The following VEPH1 variants were observed in gnomAD, a reference collection of about 807,000 sequenced individuals.
VEPH1 encodes the protein ventricular zone-expressed PH domain-containing protein homolog 1.
In VEPH1, 80 loss-of-function variants were observed where a neutral mutation model predicts 85.2. That is an observed-to-expected ratio of 0.94 (90% CI 0.78 to 1.13). VEPH1 has a LOEUF of 1.13. VEPH1 is among the 50% of genes most tolerant of loss of function. The probability of loss-of-function intolerance (pLI) is 0.00; values close to 1 mark genes in which losing one functional copy is unlikely to be tolerated. For synonymous variants in VEPH1, 297 were observed against 348.0 expected, an observed-to-expected ratio of 0.85 and a Z score of 1.63; for missense variants, 955 against 980.5, an observed-to-expected ratio of 0.97 and a Z score of 0.35.
In VEPH1 at chr3:157,286,572, G is replaced by A. The variant is rs1273160676; in HGVS notation, c.2113C>T (p.Pro705Ser). The A allele has an allele frequency of 6.2e-7, 1 of 1,613,984 alleles. No homozygotes were observed. The highest frequency in any genetic ancestry group is 1.1e-5 in the South Asian group (1 of 91,066). Residue 705 changes from proline to serine, a missense_variant, in exon 12 of 14, where the codon CCT becomes TCT. Coordinates refer to ENST00000362010, the MANE Select transcript of VEPH1 (RefSeq NM_001167912.2). ...GGTCTCTCACCAGTTGCTTTCTCAG[G>A]ATTGTTGCACATGAAGCATTGCCAT... ...GAWQCFMCNN[P>S]EKATVVNQDG...
intron 9 of VEPH1, among the ~76,000 whole-genome samples, chr3:157,323,676 T>C (rs1299983659): frequency 6.6e-6 from 1 of 152,106 alleles, no homozygotes; most frequent in East Asian, 1.9e-4. Flanking sequence ...TTTTGACTTA[T>C]CCAGAGAATA....
chr3:157,420,798 G>A (rs148044755), intron 5 of VEPH1, among the ~76,000 whole-genome samples: 107 of 152,282 alleles, frequency 7.0e-4, no homozygotes, highest in African/African-American at 2.5e-3. Context: ...ATTCATCACC[G>A]GAAGGCTTCC....
intron 4 of VEPH1, among the ~76,000 whole-genome samples, chr3:157,435,141 A>G (rs1479961690): frequency 6.6e-6 from 1 of 151,760 alleles, no homozygotes; most frequent in Non-Finnish European, 1.5e-5. Flanking sequence ...CTTTTTGACA[A>G]TGTCTTATTC....
chr3:157,390,934 C>A (rs1044908851), intron 6 of VEPH1, among the ~76,000 whole-genome samples: 3 of 152,232 alleles, frequency 2.0e-5, no homozygotes, highest in Non-Finnish European at 4.4e-5. Context: ...CACCACATTC[C>A]TCTTGTCCAG....
intron 9 of VEPH1, among the ~76,000 whole-genome samples, chr3:157,324,101 C>A (rs1721634386): frequency 6.6e-6 from 1 of 152,194 alleles, no homozygotes; most frequent in South Asian, 2.1e-4. Context: ...GTTGCCCAGG[C>A]TGGAGTACAG....
chr3:157,437,413 C>T (rs1295153851), intron 4 of VEPH1: 2 of 1,403,200 alleles, frequency 1.4e-6, no homozygotes, highest in Non-Finnish European at 1.9e-6. Context: ...ATGCCAGGAA[C>T]GGGCTGCAAC....
intron 6 of VEPH1, chr3:157,413,327 C>T (rs753362190): frequency 2.0e-5 from 7 of 350,494 alleles, no homozygotes; most frequent in East Asian, 1.7e-4. Context: ...CATCCACAAA[C>T]GTTTATTTCA....
At chr3:157,391,930 GC>G (rs1429773122) in intron 6 of VEPH1, among the ~76,000 whole-genome samples, 6 of 84,566 alleles carry the variant, frequency 7.1e-5, no homozygotes, top group African/African-American at 3.1e-4. Context: ...GCCTATTTTA[GC>G]ACTCTTAAAG....
rs1383662550 is a variant in VEPH1 at position 157,261,174 on chromosome 3, G to C, written c.2462C>G (p.Ala821Gly). The C allele has an allele frequency of 1.2e-6, 2 of 1,613,664 alleles. No homozygotes were observed. The highest frequency in any genetic ancestry group is 1.7e-5 in the Admixed American group (1 of 59,980). ...TACTTCTCTACTTTCCCTTTCTTTG[G>C]CTTGGGCAACTGCCACGTTGATGCA... ...LQCINVAVAQ[A>G]KERESREVTT... Residue 821 changes from alanine (A) to glycine (G), a missense_variant, in exon 14 of 14, where the codon GCC (alanine) becomes GGC (glycine). Ala to Gly is a moderately conservative substitution (Grantham distance 60). Coordinates refer to ENST00000362010, the MANE Select transcript of VEPH1 (RefSeq NM_001167912.2).
At chr3:157,278,755 G>A (rs1033741402) in intron 12 of VEPH1, among the ~76,000 whole-genome samples, 1 of 152,216 alleles carries the variant, frequency 6.6e-6, no homozygotes, top group Non-Finnish European at 1.5e-5. Flanking sequence ...AGATTGGATG[G>A]GGGTGGTGGA....
At chr3:157,346,495 T>C (rs986918702) in intron 9 of VEPH1, among the ~76,000 whole-genome samples, 2 of 152,256 alleles carry the variant, frequency 1.3e-5, no homozygotes, top group Non-Finnish European at 2.9e-5. Context: ...CACTAAGGAA[T>C]TTTAATTTAT....
intron 10 of VEPH1, among the ~76,000 whole-genome samples, chr3:157,314,383 CATATG>C (rs1720515551): frequency 1.5e-5 from 1 of 64,968 alleles, no homozygotes; most frequent in Non-Finnish European, 4.2e-5. Flanking sequence ...AAAGATCAAA[CATATG>C]ATATATTTCA....
chr3:157,376,520 C>G (rs1379157793), intron 7 of VEPH1, among the ~76,000 whole-genome samples: 1 of 152,178 alleles, frequency 6.6e-6, no homozygotes, highest in Non-Finnish European at 1.5e-5. Context: ...GCATAATAGC[C>G]CTTGTACCCT....
intron 4 of VEPH1, among the ~76,000 whole-genome samples, chr3:157,453,910 G>A (rs1023614459): frequency 6.6e-6 from 1 of 152,156 alleles, no homozygotes; most frequent in Non-Finnish European, 1.5e-5. Flanking sequence ...CATAGTGCCA[G>A]ATCAAATAAA....
chr3:157,318,302 T>G (rs1377070690), intron 9 of VEPH1, among the ~76,000 whole-genome samples: 1 of 152,152 alleles, frequency 6.6e-6, no homozygotes, highest in South Asian at 2.1e-4. Context: ...ACATTTTAAG[T>G]GAAATGTTTT....
intron 4 of VEPH1, among the ~76,000 whole-genome samples, chr3:157,455,108 C>T (rs1028934558): frequency 2.0e-5 from 3 of 151,960 alleles, no homozygotes; most frequent in African/African-American, 4.8e-5. Flanking sequence ...GTATATATAC[C>T]CAGCAGTAGA....
chr3:157,437,920 G>A lies in VEPH1; in HGVS notation c.530-9432C>T, dbSNP rs1055151328. On this transcript the variant is annotated intron_variant, in intron 4 of 13. Coordinates refer to ENST00000362010, the MANE Select transcript of VEPH1 (RefSeq NM_001167912.2). The stretch of plus-strand genomic sequence containing the variant: ...CCGGAGCTGGCTGCCGGCAGGTAAG[G>A]AGGCAAGCGGGGCCGGGACCTCCCA... 5.2e-6 allele frequency: 8 copies of A among 1,528,550 alleles called. No individual in the cohort carries two copies. The African/African-American group carries it at 8.4e-5, about 16-fold the overall frequency. The allele number at this position is 1,528,550 out of a possible 1,614,324, so 94.7% of individuals were successfully genotyped here.
At chr3:157,441,271 T>C (rs76843073) in intron 4 of VEPH1, among the ~76,000 whole-genome samples, 1,879 of 152,326 alleles carry the variant, frequency 0.012, 33 homozygotes, top group African/African-American at 0.042. Context: ...GCTTATCAGC[T>C]ATGTAAACAT....
chr3:157,401,305 T>C (rs1242064130), intron 6 of VEPH1, among the ~76,000 whole-genome samples: 3 of 152,158 alleles, frequency 2.0e-5, no homozygotes, highest in Admixed American at 2.0e-4. Context: ...GAAAAAAGTA[T>C]ATGCTTTTAG....
Sources: gnomAD v4.1 joint callset for allele counts (sites outside exome capture counted in the v4.1 genomes callset) on GRCh38, gnomAD v4.1.1 for gene constraint, MANE v1.5 for transcripts, NCBI Gene and HGNC (gene_info 2026-07-23, HGNC 2026-07-21) for gene names.